The following WDR59 variants were observed in gnomAD, a reference collection of about 807,000 sequenced individuals.
WDR59 encodes the protein WD repeat domain 59, also known as GATOR2 complex protein WDR59.
In WDR59, 100 loss-of-function variants were observed where a neutral mutation model predicts 131.2. The observed-to-expected ratio is 0.76, with a 90% CI of 0.65 to 0.90. The LOEUF (loss-of-function observed/expected upper bound fraction) is 0.90, where lower values mean the gene tolerates loss of function less well. WDR59 is among the 40% of genes least tolerant of loss of function. WDR59 has a pLI of 0.00. For missense variants in WDR59, 1,203 were observed against 1,262.2 expected, an observed-to-expected ratio of 0.95 and a Z score of 0.71; for synonymous variants, 601 against 466.2, an observed-to-expected ratio of 1.29 and a Z score of -3.72.
At chr16:74,920,549 C>T (rs1012977284) in intron 10 of WDR59, among the ~76,000 whole-genome samples, 3 of 152,130 alleles carry the variant, frequency 2.0e-5, no homozygotes, top group African/African-American at 7.2e-5. Flanking sequence ...TACAGGCATG[C>T]ACTGCCACAC....
intron 6 of WDR59, 152 bp downstream of exon 6, chr16:74,948,367 G>A (rs943105711): frequency 8.0e-6 from 6 of 749,656 alleles, no homozygotes; most frequent in African/African-American, 1.8e-5. Context: ...AACAACATGA[G>A]ACTTACAATT....
Position 74,909,534 on chromosome 16 carries a change from G to A in WDR59, c.1609C>T (p.Pro537Ser), listed in dbSNP as rs868788711. 1.2e-6 allele frequency: 2 copies of A among 1,600,112 alleles called. No homozygotes were observed. Among genetic ancestry groups the A allele is most frequent in the Non-Finnish European group, 1.7e-6 (2 of 1,175,080 alleles). The part of the protein sequence containing the change: ...GSYQDANIPF[P>S]RTSGARFCGA... The stretch of plus-strand genomic sequence containing the variant: ...CAGAACCTGGCCCCAGAAGTCCTAG[G>A]AAAGGGAATGTTGGCGTCCTGGTAC... Residue 537 changes from proline (P) to serine (S), a missense_variant, in exon 16 of 26, where the codon CCT becomes TCT. Pro to Ser is a moderately conservative substitution (Grantham distance 74). Transcript: ENST00000262144.
chr16:74,980,659 C>T (rs902321588), intron 1 of WDR59, among the ~76,000 whole-genome samples: 4 of 151,930 alleles, frequency 2.6e-5, no homozygotes, highest in Admixed American at 6.6e-5. Flanking sequence ...GCCAAAAAAT[C>T]TAAAAGTTTT....
intron 1 of WDR59, among the ~76,000 whole-genome samples, chr16:74,977,300 G>T (rs928626288): frequency 6.6e-6 from 1 of 151,760 alleles, no homozygotes; most frequent in Non-Finnish European, 1.5e-5. Context: ...AGAATGAAAA[G>T]GCAAGCTACA....
chr16:74,968,338 G>A (rs1216092069), intron 1 of WDR59, among the ~76,000 whole-genome samples: 2 of 152,212 alleles, frequency 1.3e-5, no homozygotes, highest in African/African-American at 2.4e-5. Flanking sequence ...GAAGGACATG[G>A]CAAGGACCTG....
intron 13 of WDR59, among the ~76,000 whole-genome samples, chr16:74,913,212 C>G (rs897346701): frequency 6.6e-6 from 1 of 151,420 alleles, no homozygotes; most frequent in African/African-American, 2.4e-5. Context: ...ACAAACAACA[C>G]AGAGGGTCAG....
rs1221873025 is a variant in WDR59 at position 74,871,396 on chromosome 16, A to G, written c.*2813T>C. On this transcript the variant is annotated 3_prime_UTR_variant, in exon 26 of 26. Coordinates refer to ENST00000262144, the MANE Select transcript of WDR59 (RefSeq NM_030581.4). ...TGTAATCATCTATTCTGCGGCTGAG[A>G]GAATATCGGCCATGGCCCGCAACCA... 1 of 152,250 alleles carries G rather than the reference A, an allele frequency of 6.6e-6. No individual in the cohort carries two copies. The highest frequency in any genetic ancestry group is 1.5e-5 in the Non-Finnish European group (1 of 68,048). 9.4% of individuals were successfully genotyped at this position (152,250 alleles called of 1,614,324 possible). A position where few individuals can be genotyped will look rare whatever the true frequency, so the allele number is the denominator to read the frequency against.
chr16:74,874,567 C>A lies in WDR59; in HGVS notation c.2690-123G>T, dbSNP rs547113939. 186 of 740,752 alleles carry A rather than the reference C, an allele frequency of 2.5e-4. No homozygotes were observed. In the African/African-American group the frequency reaches 3.1e-3, roughly 12 times the overall value. The allele number at this position is 740,752 out of a possible 1,614,324, so 45.9% of individuals were successfully genotyped here. A position where few individuals can be genotyped will look rare whatever the true frequency, so the allele number is the denominator to read the frequency against. ...AAGACTCTAGCAGATTCTCTTAGACCAGTGGTTTTCATTTTCTGTTTTTTT... is the reference window on the plus strand; with the variant it reads ...AAGACTCTAGCAGATTCTCTTAGACAAGTGGTTTTCATTTTCTGTTTTTTT... On this transcript the variant is annotated intron_variant, in intron 25 of 25. Coordinates refer to ENST00000262144, the MANE Select transcript of WDR59 (RefSeq NM_030581.4).
chr16:74,933,604 A>C (rs950590100), intron 8 of WDR59, among the ~76,000 whole-genome samples: 1 of 152,086 alleles, frequency 6.6e-6, no homozygotes, highest in Non-Finnish European at 1.5e-5. Flanking sequence ...TTATTTATTG[A>C]GATGGAGTTT....
chr16:74,942,591 T>C, intron 7 of WDR59, 147 bp downstream of exon 7: 3 of 681,840 alleles, frequency 4.4e-6, no homozygotes, highest in Non-Finnish European at 2.5e-6. Context: ...GCAAATATCG[T>C]CTGGTACTAT....
intron 17 of WDR59, 26 bp from the exon 18 acceptor site, chr16:74,904,126 A>C: frequency 2.5e-6 from 4 of 1,602,046 alleles, no homozygotes; most frequent in Non-Finnish European, 3.4e-6. Context: ...ATAATTATCC[A>C]CACTGGCTGC....
At chr16:74,894,865 G>A (rs1183487527) in intron 18 of WDR59, among the ~76,000 whole-genome samples, 2 of 152,166 alleles carry the variant, frequency 1.3e-5, no homozygotes, top group African/African-American at 2.4e-5. Context: ...CAAGATTAAT[G>A]AGCGTACAAT....
At chr16:74,884,665 C>T (rs1250401259) in intron 25 of WDR59, among the ~76,000 whole-genome samples, 9 of 152,068 alleles carry the variant, frequency 5.9e-5, no homozygotes, top group East Asian at 3.9e-4. Flanking sequence ...AATTCTTTAC[C>T]GCAACTTACA....
At position 74,873,062 on chromosome 16, in the gene WDR59, A is replaced by G. The variant is rs909356137; in HGVS notation, c.*1147T>C. 23 of 152,306 alleles carry G rather than the reference A, an allele frequency of 1.5e-4. No homozygotes were observed. The highest frequency in any genetic ancestry group is 5.5e-4 in the African/African-American group (23 of 41,520). 9.4% of individuals were successfully genotyped at this position (152,306 alleles called of 1,614,324 possible). On this transcript the variant is annotated 3_prime_UTR_variant, in exon 26 of 26. Coordinates refer to ENST00000262144, the MANE Select transcript of WDR59 (RefSeq NM_030581.4). ...GTACCTGGGATTACAGGCGCCCGCC[A>G]CCATGCCCGGCTAATTTTTCTATTT...
chr16:74,958,398 T>G (rs1197450195), intron 2 of WDR59, among the ~76,000 whole-genome samples: 1 of 151,400 alleles, frequency 6.6e-6, no homozygotes, highest in Non-Finnish European at 1.5e-5. Context: ...GAGACCAGCC[T>G]GGCCAACATG....
intron 1 of WDR59, 146 bp downstream of exon 1, chr16:74,984,818 G>A: frequency 4.3e-6 from 5 of 1,155,096 alleles, no homozygotes; most frequent in Non-Finnish European, 6.2e-6. Flanking sequence ...CCCCGACGGG[G>A]CCTAAGAGGT....
At chr16:74,900,456 A>G (rs915641849) in intron 18 of WDR59, among the ~76,000 whole-genome samples, 6 of 152,216 alleles carry the variant, frequency 3.9e-5, no homozygotes, top group African/African-American at 9.6e-5. Context: ...AGTTATTTAC[A>G]TGAGAGCTAT....
intron 20 of WDR59, among the ~76,000 whole-genome samples, chr16:74,890,198 T>G (rs183384634): frequency 6.6e-6 from 1 of 152,242 alleles, no homozygotes; most frequent in Admixed American, 6.5e-5. Context: ...TCGCCCAGGC[T>G]GGAGTGCCGT....
chr16:74,917,808 C>CAA (rs34773155), intron 11 of WDR59, 121 bp downstream of exon 11: 3,212 of 429,450 alleles, frequency 7.5e-3, no homozygotes, highest in Non-Finnish European at 9.0e-3. Flanking sequence ...GACGCACTCT[C>CAA]AAAAAAAAAA....
Sources: gnomAD v4.1 joint callset for allele counts (sites outside exome capture counted in the v4.1 genomes callset) on GRCh38, gnomAD v4.1.1 for gene constraint, MANE v1.5 for transcripts, NCBI Gene and HGNC (gene_info 2026-07-23, HGNC 2026-07-21) for gene names.